The following MAP3K15 variants were observed in gnomAD, a reference collection of about 807,000 sequenced individuals.
MAP3K15 encodes MAPK/ERK kinase kinase 15.
Under a neutral mutation model 99.5 loss-of-function variants are expected in MAP3K15, and 124 were observed. The ratio of observed to expected loss-of-function variants is 1.25; its 90% confidence interval spans 1.08 to 1.45. The LOEUF is 1.45. MAP3K15 is among the 40% of genes most tolerant of loss of function. The pLI, the probability that MAP3K15 is intolerant of heterozygous loss-of-function variation, is 0.00. For synonymous variants in MAP3K15, 494 were observed against 439.6 expected, an observed-to-expected ratio of 1.12 and a Z score of -1.55; for missense variants, 1,242 against 1,079.7, an observed-to-expected ratio of 1.15 and a Z score of -2.11.
intron 11 of MAP3K15, among the ~76,000 whole-genome samples, chrX:19,410,981 C>T (rs764281944): frequency 2.7e-5 from 3 of 110,851 alleles, no homozygotes; most frequent in East Asian, 5.7e-4. Flanking sequence ...GTCAGGAGTT[C>T]GAGATCAGCC....
At chrX:19,421,258 T>C (rs1395877558) in intron 9 of MAP3K15, among the ~76,000 whole-genome samples, 1 of 111,441 alleles carries the variant, frequency 9.0e-6, no homozygotes, top group African/African-American at 3.3e-5. Context: ...TGTTTGCAGA[T>C]GACATGATTG....
chrX:19,438,007 G>A (rs953707388), intron 6 of MAP3K15, among the ~76,000 whole-genome samples: 7 of 112,372 alleles, frequency 6.2e-5, no homozygotes, highest in African/African-American at 1.9e-4. Context: ...GGTTACTTCC[G>A]GAATATGGAC....
chrX:19,366,247 T>TA (rs2063334182), intron 25 of MAP3K15, among the ~76,000 whole-genome samples: 1 of 110,901 alleles, frequency 9.0e-6, no homozygotes, highest in East Asian at 2.8e-4. Flanking sequence ...GTCTCTCTAG[T>TA]AGTCCTCCTT....
chrX:19,461,375 G>A (rs1374622935), intron 4 of MAP3K15, among the ~76,000 whole-genome samples: 12 of 112,161 alleles, frequency 1.1e-4, no homozygotes, highest in East Asian at 8.4e-4. Flanking sequence ...GATTACAGGC[G>A]TGAGCCACCA....
At chrX:19,394,789 CTTTTTTTTTTTTTTTTTTTTT>C (rs144723219) in intron 16 of MAP3K15, among the ~76,000 whole-genome samples, 20 of 17,524 alleles carry the variant, frequency 1.1e-3, no homozygotes, top group Admixed American at 5.6e-3. Context: ...GGGTCTGTTG[CTTTTTTTTTTTTTTTTTTTTT>C]TTTTTTTTTT....
intron 6 of MAP3K15, among the ~76,000 whole-genome samples, chrX:19,432,615 G>A (rs1018945442): frequency 9.2e-6 from 1 of 109,240 alleles, no homozygotes; most frequent in Non-Finnish European, 1.9e-5. Flanking sequence ...TTTGAGCACT[G>A]ACAGAAAAAC....
intron 4 of MAP3K15, among the ~76,000 whole-genome samples, chrX:19,464,010 C>A (rs2064148617): frequency 9.0e-6 from 1 of 111,225 alleles, no homozygotes; most frequent in African/African-American, 3.3e-5. Flanking sequence ...GGAGTCAGGG[C>A]CAGACACGGG....
At chrX:19,373,188 G>A (rs2063390008) in intron 21 of MAP3K15, 2 of 198,779 alleles carry the variant, frequency 1.0e-5, no homozygotes, top group East Asian at 1.0e-4. Flanking sequence ...GGGGCCAGGA[G>A]GAGGAGGGGG....
At chrX:19,477,397 CAAA>C (rs1180392389) in intron 3 of MAP3K15, among the ~76,000 whole-genome samples, 3 of 111,380 alleles carry the variant, frequency 2.7e-5, no homozygotes, top group African/African-American at 6.5e-5. Flanking sequence ...ACAGAACATA[CAAA>C]AATAAAATAA....
In MAP3K15 at chrX:19,360,836, G is replaced by A. The variant is rs1236136610; in HGVS notation, c.3858-3C>T. ...AGAGTCTGCAGAGGAGACCACCCCT[G>A]GGAAACAAACACAGCTGTCTTCAGA... On this transcript the variant is annotated splice_polypyrimidine_tract_variant and splice_region_variant and intron_variant, in intron 28 of 28. Transcript: ENST00000338883. The A allele has an allele frequency of 5.9e-6, 7 of 1,191,401 alleles. No individual in the cohort carries two copies. In the African/African-American group the frequency reaches 1.1e-4, roughly 18 times the overall value.
chrX:19,406,858 C>T (rs2063652013), intron 13 of MAP3K15, among the ~76,000 whole-genome samples: 1 of 111,880 alleles, frequency 8.9e-6, no homozygotes, highest in Non-Finnish European at 1.9e-5. Flanking sequence ...TGCGCCACCA[C>T]ACCCGGCTAA....
intron 3 of MAP3K15, among the ~76,000 whole-genome samples, chrX:19,479,735 T>C (rs1017259958): frequency 8.9e-6 from 1 of 112,373 alleles, no homozygotes; most frequent in Non-Finnish European, 1.9e-5. Flanking sequence ...TTTACTTTCA[T>C]AAAGACAGCC....
Position 19,380,159 on chromosome X carries a change from C to T in MAP3K15, c.2550G>A (p.Pro850=), listed in dbSNP as rs1478185273. Reference sequence around the variant, plus strand: ...CCTGCGGCTCACCAAGCTCATGGAACGGAGGCTTGCTGGTGGCCATCTCAA... The same window carrying T: ...CCTGCGGCTCACCAAGCTCATGGAATGGAGGCTTGCTGGTGGCCATCTCAA... The part of the protein sequence containing the change: ...TIIEMATSKP[P]FHELGEPQAA... Residue 850 remains proline (P), a synonymous_variant, in exon 19 of 29, where the codon CCG becomes CCA. Transcript: ENST00000338883. The T allele has an allele frequency of 5.8e-6, 7 of 1,200,909 alleles. No homozygotes were observed. Among genetic ancestry groups the T allele is most frequent in the South Asian group, 3.6e-5 (2 of 54,827 alleles).
chrX:19,417,985 A>T (rs1181587266), intron 9 of MAP3K15, among the ~76,000 whole-genome samples: 2 of 112,262 alleles, frequency 1.8e-5, no homozygotes, highest in Admixed American at 9.5e-5. Flanking sequence ...GAGGGTCCTG[A>T]GTGTTAGAAG....
At chrX:19,393,521 C>CT (rs2063541720) in intron 16 of MAP3K15, among the ~76,000 whole-genome samples, 1 of 110,211 alleles carries the variant, frequency 9.1e-6, no homozygotes, top group Admixed American at 9.7e-5. Context: ...ATCCTAGCTA[C>CT]TTGAGAGGCT....
intron 3 of MAP3K15, among the ~76,000 whole-genome samples, chrX:19,482,602 G>T (rs2064298752): frequency 8.9e-6 from 1 of 111,981 alleles, no homozygotes; most frequent in South Asian, 3.7e-4. Context: ...GGTGTGGGAA[G>T]AGAGATTGTC....
intron 19 of MAP3K15, among the ~76,000 whole-genome samples, chrX:19,377,274 C>T (rs1287149563): frequency 1.8e-5 from 2 of 112,565 alleles, no homozygotes; most frequent in East Asian, 2.8e-4. Flanking sequence ...TTCATACAGG[C>T]GGGGCACGGT....
chrX:19,456,151 A>C (rs943651017), intron 6 of MAP3K15, among the ~76,000 whole-genome samples: 2 of 111,371 alleles, frequency 1.8e-5, no homozygotes, highest in Admixed American at 1.9e-4. Flanking sequence ...TATACCCGAG[A>C]AATGTATCCA....
chrX:19,402,718 G>A (rs1160749092), intron 13 of MAP3K15, among the ~76,000 whole-genome samples: 1 of 111,623 alleles, frequency 9.0e-6, no homozygotes, highest in Non-Finnish European at 1.9e-5. Context: ...AGCCTGGAGT[G>A]CAGTGGCGTG....
Sources: allele counts gnomAD v4.1 joint callset (sites outside exome capture counted in the v4.1 genomes callset), GRCh38; gene constraint gnomAD v4.1.1; transcripts MANE v1.5; gene names NCBI Gene and HGNC (gene_info 2026-07-23, HGNC 2026-07-21).